TCEA3: variants seen among roughly 807,000 people sequenced by gnomAD.
The protein encoded by TCEA3 is transcription elongation factor A3, also known as transcription elongation factor A protein 3.
A neutral mutation model predicts 44.0 loss-of-function variants in TCEA3; 36 were observed. The ratio of observed to expected loss-of-function variants is 0.82; its 90% CI spans 0.63 to 1.08. TCEA3 has a LOEUF of 1.08. Ranked by LOEUF, TCEA3 falls within the 50% of genes least tolerant of loss-of-function variation. TCEA3 has a pLI of 0.00. For missense variants in TCEA3, 392 were observed against 441.2 expected (o/e 0.89, Z 1.00); for synonymous variants, 162 against 159.7 (o/e 1.01, Z -0.11).
At chr1:23,424,242 C>A (rs1640152018) in intron 1 of TCEA3, among the ~76,000 whole-genome samples, 1 of 151,842 alleles carries the variant, frequency 6.6e-6, no homozygotes, top group Non-Finnish European at 1.5e-5. Flanking sequence ...TCCTTTCCCA[C>A]GTCCAGCTCT....
At position 23,416,413 on chromosome 1, in the gene TCEA3, C is replaced by A. The variant is rs186867258; in HGVS notation, c.380+836G>T. 5.0e-3 allele frequency among the ~76,000 whole-genome samples: 768 copies of A among 152,206 alleles called. 6 individuals carry two copies. Among genetic ancestry groups the A allele is most frequent in the Non-Finnish European group, 7.5e-3 (508 of 68,004 alleles). ...GCAGTACAGGATCATTGTGAAAAAA[C>A]CCAACAATTCAGATTTAAAATTTTT... is the stretch of plus-strand genomic sequence containing the variant. On this transcript the variant is annotated intron_variant, in intron 4 of 10. Coordinates refer to ENST00000450454, the MANE Select transcript of TCEA3 (RefSeq NM_003196.3).
At position 23,393,904 on chromosome 1, in the gene TCEA3, C is replaced by T; in HGVS notation, c.794G>A (p.Gly265Glu). ...CTCTGCCGTCATCTTGGCTATAAGC[C>T]CTGCGGAGATGGCCCCACTGAGCAC... The part of the protein sequence containing the change: ...RNVLSGAISA[G>E]LIAKMTAEEM... The change falls in exon 8 of 11, where the codon GGG becomes GAG. Residue 265 changes from glycine to glutamate, a missense_variant. Transcript: ENST00000450454. 1 of 1,613,808 alleles carries T rather than the reference C, an allele frequency of 6.2e-7. No individual in the cohort carries two copies. The highest frequency in any genetic ancestry group is 8.5e-7 in the Non-Finnish European group (1 of 1,179,900).
chr1:23,399,128 ATATATATG>A (rs1169516193), intron 5 of TCEA3, among the ~76,000 whole-genome samples: 84 of 86,914 alleles, frequency 9.7e-4, no homozygotes, highest in African/African-American at 4.0e-3. Flanking sequence ...GGTTTTGTTT[ATATATATG>A]TATATATGTA....
At chr1:23,416,093 G>A (rs549150476) in intron 4 of TCEA3, among the ~76,000 whole-genome samples, 13 of 142,676 alleles carry the variant, frequency 9.1e-5, no homozygotes, top group African/African-American at 3.1e-4. Context: ...TGCAACCTCC[G>A]ACTTCCAGGT....
At chr1:23,391,506 C>A (rs982189789) in intron 8 of TCEA3, among the ~76,000 whole-genome samples, 6 of 152,036 alleles carry the variant, frequency 3.9e-5, no homozygotes, top group Non-Finnish European at 8.8e-5. Flanking sequence ...CTAATAGGGG[C>A]CTGAGAAAGA....
chr1:23,385,196 T>G (rs1638797418), intron 9 of TCEA3, among the ~76,000 whole-genome samples: 1 of 152,218 alleles, frequency 6.6e-6, no homozygotes, highest in Non-Finnish European at 1.5e-5. Flanking sequence ...AAGGCTGTCC[T>G]TGGCTGGCCA....
intron 8 of TCEA3, among the ~76,000 whole-genome samples, chr1:23,390,315 A>G (rs1186601235): frequency 6.6e-6 from 1 of 152,164 alleles, no homozygotes; most frequent in Non-Finnish European, 1.5e-5. Context: ...CTAAAAATAG[A>G]AAAATTAGCC....
At chr1:23,400,497 C>A (rs1639368101) in intron 5 of TCEA3, among the ~76,000 whole-genome samples, 1 of 151,866 alleles carries the variant, frequency 6.6e-6, no homozygotes, top group Non-Finnish European at 1.5e-5. Flanking sequence ...GCATGAGCCA[C>A]TGTGCCTGGC....
At chr1:23,412,399 C>CAAAA (rs1267820171) in intron 4 of TCEA3, among the ~76,000 whole-genome samples, 29 of 55,634 alleles carry the variant, frequency 5.2e-4, no homozygotes, top group African/African-American at 1.5e-3. Context: ...GACTCTGTCT[C>CAAAA]AAAAAAAAAA....
intron 9 of TCEA3, among the ~76,000 whole-genome samples, chr1:23,385,108 C>A (rs1024668336): frequency 6.6e-5 from 10 of 152,182 alleles, no homozygotes; most frequent in African/African-American, 1.2e-4. Context: ...TTAGCCTCAT[C>A]ATTCAGGTGC....
intron 8 of TCEA3, among the ~76,000 whole-genome samples, chr1:23,391,148 CTTTTT>C (rs59905045): frequency 4.8e-4 from 61 of 126,382 alleles, no homozygotes; most frequent in African/African-American, 1.8e-3. Flanking sequence ...TTCTTTCTTT[CTTTTT>C]TTTTTTTTTT....
At chr1:23,401,556 T>C (rs1177795415) in intron 5 of TCEA3, among the ~76,000 whole-genome samples, 1 of 152,090 alleles carries the variant, frequency 6.6e-6, no homozygotes, top group Non-Finnish European at 1.5e-5. Flanking sequence ...CGCGGGGCTG[T>C]TGGCATCCAA....
chr1:23,395,357 C>T (rs1639184761), intron 7 of TCEA3, among the ~76,000 whole-genome samples: 1 of 152,354 alleles, frequency 6.6e-6, no homozygotes, highest in East Asian at 1.9e-4. Flanking sequence ...GGGGCACCGG[C>T]CCCTCAGAGG....
In TCEA3 at chr1:23,393,608, T is replaced by C. The variant is rs931248246; in HGVS notation, c.819+271A>G. 2.0e-5 allele frequency among the ~76,000 whole-genome samples: 3 copies of C among 152,242 alleles called. No homozygotes were observed. Among genetic ancestry groups the C allele is most frequent in the African/African-American group, 7.2e-5 (3 of 41,460 alleles). The stretch of plus-strand genomic sequence containing the variant: ...ACTCCTCTGAGCCTCAGGATCCTCA[T>C]CTGTAGAATGGGGATAATACACCTT... On this transcript the variant is annotated intron_variant, in intron 8 of 10. Transcript: ENST00000450454.
Position 23,422,672 on chromosome 1 carries a change from C to T in TCEA3, c.69+1893G>A, listed in dbSNP as rs570456514. 5.9e-5 allele frequency among the ~76,000 whole-genome samples: 9 copies of T among 152,258 alleles called. No individual in the cohort carries two copies. The South Asian group carries it at 8.3e-4, about 14-fold the overall frequency. Reference sequence around the variant, plus strand: ...GCCCAGGCGCAGACGTGGCTGTAAACTGGCTCCATGCTGCAGGGACCCTGC... The same window carrying T: ...GCCCAGGCGCAGACGTGGCTGTAAATTGGCTCCATGCTGCAGGGACCCTGC... On this transcript the variant is annotated intron_variant, in intron 1 of 10. Transcript: ENST00000450454.
chr1:23,396,067 C>T (rs1639208292), intron 7 of TCEA3, among the ~76,000 whole-genome samples: 1 of 152,082 alleles, frequency 6.6e-6, no homozygotes, highest in African/African-American at 2.4e-5. Flanking sequence ...TGAATGGCTC[C>T]AGACTTGTTG....
At chr1:23,383,173 A>G (rs1021060741) in intron 10 of TCEA3, among the ~76,000 whole-genome samples, 7 of 151,472 alleles carry the variant, frequency 4.6e-5, no homozygotes, top group African/African-American at 1.7e-4. Flanking sequence ...CCAGCTACTC[A>G]GGAGGCTGAG....
intron 8 of TCEA3, among the ~76,000 whole-genome samples, chr1:23,390,337 C>T (rs1053113281): frequency 5.3e-5 from 8 of 152,228 alleles, no homozygotes; most frequent in African/African-American, 1.9e-4. Context: ...GGCATGGTTA[C>T]ATGGTTACAG....
intron 5 of TCEA3, 138 bp downstream of exon 5, chr1:23,408,526 T>C (rs1013600282): frequency 5.9e-6 from 5 of 847,738 alleles, no homozygotes; most frequent in Non-Finnish European, 9.1e-6. Flanking sequence ...GTGTGGGTCT[T>C]AGAATACGGG....
Sources: allele counts gnomAD v4.1 joint callset (sites outside exome capture counted in the v4.1 genomes callset), GRCh38; gene constraint gnomAD v4.1.1; transcripts MANE v1.5; gene names NCBI Gene and HGNC (gene_info 2026-07-23, HGNC 2026-07-21).